Variants in UNC79 observed in about 807,000 individuals in gnomAD.
The protein encoded by UNC79 is protein unc-79 homolog.
UNC79 carries 37 observed loss-of-function variants against 283.1 expected under a neutral mutation model. The observed-to-expected ratio is 0.13, with a 90% CI of 0.10 to 0.17. The LOEUF (loss-of-function observed/expected upper bound fraction) is 0.17. Among genes scored for constraint, UNC79 ranks in the 10% least tolerant of loss-of-function variants. The pLI is 1.00. For synonymous variants in UNC79, 1,107 were observed against 1,200.2 expected, an observed-to-expected ratio of 0.92 and a Z score of 1.61; for missense variants, 2,272 against 3,211.1, an observed-to-expected ratio of 0.71 and a Z score of 7.07.
chr14:93,639,428 G>A (rs533899615), intron 32 of UNC79, among the ~76,000 whole-genome samples: 6 of 152,214 alleles, frequency 3.9e-5, no homozygotes, highest in African/African-American at 1.4e-4. Flanking sequence ...CATTTATCTT[G>A]GACTATTTCT....
At chr14:93,390,004 A>G (rs1264483687) in intron 1 of UNC79, among the ~76,000 whole-genome samples, 1 of 152,230 alleles carries the variant, frequency 6.6e-6, no homozygotes, top group Non-Finnish European at 1.5e-5. Context: ...CTAGCCATAG[A>G]TGTTATGAGA....
At chr14:93,404,496 ATATATATAT>A (rs2055182726) in intron 1 of UNC79, among the ~76,000 whole-genome samples, 1 of 82,286 alleles carries the variant, frequency 1.2e-5, no homozygotes, top group African/African-American at 4.6e-5. Context: ...TAAAAAAAAT[ATATATATAT>A]ATATATATAA....
intron 1 of UNC79, among the ~76,000 whole-genome samples, chr14:93,401,279 A>G (rs1187878507): frequency 6.6e-6 from 1 of 152,198 alleles, no homozygotes; most frequent in African/African-American, 2.4e-5. Context: ...AAGCTTTGAT[A>G]AACAACTCAC....
chr14:93,423,709 C>G (rs1281335348), intron 1 of UNC79, among the ~76,000 whole-genome samples: 1 of 152,164 alleles, frequency 6.6e-6, no homozygotes, highest in Admixed American at 6.5e-5. Flanking sequence ...ATACAAAAAT[C>G]AAATCAAAAT....
chr14:93,631,465 G>T (rs544403350), intron 31 of UNC79, among the ~76,000 whole-genome samples: 3 of 152,160 alleles, frequency 2.0e-5, no homozygotes, highest in Admixed American at 1.3e-4. Context: ...TCTGTTACTG[G>T]GTCCTAGATT....
In UNC79 at chr14:93,584,599, T is replaced by C. The variant is rs538275693; in HGVS notation, c.2804-1997T>C. ...AGCCTGTACTCTTTCTATGCAAATA[T>C]ATTTTTTAAACCTAAGCTAGCACAC... On this transcript the variant is annotated intron_variant, in intron 20 of 48. Transcript: ENST00000555664. 5.3e-5 allele frequency among the ~76,000 whole-genome samples: 8 copies of C among 152,376 alleles called. No individual in the cohort carries two copies. The South Asian group carries it at 1.4e-3, about 28-fold the overall frequency.
intron 1 of UNC79, among the ~76,000 whole-genome samples, chr14:93,350,606 C>T (rs2053964234): frequency 6.6e-6 from 1 of 152,016 alleles, no homozygotes; most frequent in South Asian, 2.1e-4. Context: ...AAGGTTAGCC[C>T]CTTACATTAA....
In UNC79 at chr14:93,482,414, T is replaced by C. The variant is rs186650287; in HGVS notation, c.619+4686T>C. The stretch of plus-strand genomic sequence containing the variant: ...TGCTGTGTAGGCTTCCAGGTCACGT[T>C]GTCTTGGTCTTCCCTTTATGTTTAA... On this transcript the variant is annotated intron_variant, in intron 4 of 48. Coordinates refer to ENST00000555664, the Ensembl canonical transcript of UNC79. 3.8e-3 allele frequency among the ~76,000 whole-genome samples: 577 copies of C among 152,274 alleles called. 2 individuals carry two copies. The highest frequency in any genetic ancestry group is 0.013 in the African/African-American group (552 of 41,560).
At chr14:93,549,824 G>A (rs911310154) in intron 14 of UNC79, among the ~76,000 whole-genome samples, 3 of 152,206 alleles carry the variant, frequency 2.0e-5, no homozygotes, top group African/African-American at 7.2e-5. Context: ...ACAAGAGTAG[G>A]TTACAATCTG....
At chr14:93,559,609 G>C (rs1272249339) in intron 14 of UNC79, among the ~76,000 whole-genome samples, 2 of 152,138 alleles carry the variant, frequency 1.3e-5, no homozygotes, top group Non-Finnish European at 2.9e-5. Flanking sequence ...TGCTCAATGG[G>C]GGAGCTTTTG....
At chr14:93,431,565 C>G (rs550470475) in intron 1 of UNC79, among the ~76,000 whole-genome samples, 1 of 152,028 alleles carries the variant, frequency 6.6e-6, no homozygotes, top group Non-Finnish European at 1.5e-5. Context: ...GGGGAGGGAG[C>G]AGGGAGCCAG....
rs1201993455 is a variant in UNC79, at chr14:93,348,037, G to A, written c.-351+14514G>A. Reference sequence around the variant, plus strand: ...TCATCTTCTCTTCCAGGAAATGGCTGTTGGACTTGTGGTGTTTTTTACGAC... The same window carrying A: ...TCATCTTCTCTTCCAGGAAATGGCTATTGGACTTGTGGTGTTTTTTACGAC... On this transcript the variant is annotated intron_variant, in intron 1 of 49. Transcript: ENST00000256339. The A allele has an allele frequency of 6.2e-7, 1 of 1,608,038 alleles. No homozygotes were observed. The highest frequency in any genetic ancestry group is 8.5e-7 in the Non-Finnish European group (1 of 1,174,428).
At chr14:93,407,413 A>T (rs1340400505) in intron 1 of UNC79, among the ~76,000 whole-genome samples, 1 of 152,216 alleles carries the variant, frequency 6.6e-6, no homozygotes, top group African/African-American at 2.4e-5. Flanking sequence ...AACTTGAGAC[A>T]TAAAAACTCT....
intron 1 of UNC79, among the ~76,000 whole-genome samples, chr14:93,423,096 AGAAGT>A (rs2055640964): frequency 6.7e-6 from 1 of 150,080 alleles, no homozygotes; most frequent in African/African-American, 2.4e-5. Context: ...AAAAAAGAAA[AGAAGT>A]CAAGAAAGTA....
At chr14:93,597,236 G>A (rs2065143401) in intron 23 of UNC79, 123 bp from the exon 24 acceptor site, 7 of 978,544 alleles carry the variant, frequency 7.2e-6, no homozygotes, top group East Asian at 2.5e-5. Flanking sequence ...TAAACCATGC[G>A]GGAGACCCAG....
chr14:93,423,396 A>C (rs1011002707), intron 1 of UNC79, among the ~76,000 whole-genome samples: 1 of 152,176 alleles, frequency 6.6e-6, no homozygotes, highest in Non-Finnish European at 1.5e-5. Context: ...AAAGACCCAG[A>C]ATAACCAAAG....
At chr14:93,667,289 A>T (rs1377687153) in intron 40 of UNC79, among the ~76,000 whole-genome samples, 2 of 152,152 alleles carry the variant, frequency 1.3e-5, no homozygotes, top group Non-Finnish European at 2.9e-5. Context: ...GAAGATCAAT[A>T]CAACAGAAAG....
At chr14:93,515,665 C>T (rs895307677) in intron 7 of UNC79, among the ~76,000 whole-genome samples, 5 of 152,048 alleles carry the variant, frequency 3.3e-5, no homozygotes, top group African/African-American at 1.2e-4. Flanking sequence ...TTCTTACCTT[C>T]TCAGGTTTGC....
rs1001489870 is a variant in UNC79, at chr14:93,629,787, C to T, written c.5609-1014C>T. Among the ~76,000 whole-genome samples, 4 of 152,216 alleles carry T rather than the reference C, an allele frequency of 2.6e-5. No homozygotes were observed. In the South Asian group the frequency reaches 6.2e-4, roughly 24 times the overall value. On this transcript the variant is annotated intron_variant, in intron 30 of 48. Coordinates refer to ENST00000555664, the Ensembl canonical transcript of UNC79. ...CACCATGACAAGGATGAGACAGAAA[C>T]ACTATTAAGCTTAAGAACTTGAAGC...
Sources: gnomAD v4.1 joint callset for allele counts (sites outside exome capture counted in the v4.1 genomes callset) on GRCh38, gnomAD v4.1.1 for gene constraint, MANE v1.5 for transcripts, NCBI Gene and HGNC (gene_info 2026-07-23, HGNC 2026-07-21) for gene names.